CCPG1: variants seen among roughly 807,000 people sequenced by gnomAD.
CCPG1 encodes the protein cell cycle progression 1.
In CCPG1, 46 loss-of-function variants were observed where a neutral mutation model predicts 81.3. The ratio of observed to expected loss-of-function variants is 0.57; its 90% CI spans 0.45 to 0.72. CCPG1 has a LOEUF of 0.72. Among genes scored for constraint, CCPG1 ranks in the 30% least tolerant of loss-of-function variants. The pLI is 0.00. For synonymous variants in CCPG1, 330 were observed against 305.2 expected (o/e 1.08, Z -0.85); for missense variants, 902 against 937.6 (o/e 0.96, Z 0.50).
chr15:55,358,755 C>T, intron 8 of CCPG1: 1 of 985,312 alleles, frequency 1.0e-6, no homozygotes, highest in Non-Finnish European at 1.2e-6. Context: ...AAATTTTTCA[C>T]TTGTCTCCTC....
chr15:55,357,315 A>G (rs2141236752), intron 8 of CCPG1: 2 of 984,756 alleles, frequency 2.0e-6, no homozygotes, highest in South Asian at 4.7e-5. Flanking sequence ...CAATGTTACT[A>G]TTTTCCAAAT....
chr15:55,366,768 G>A (rs1378844678), intron 6 of CCPG1, among the ~76,000 whole-genome samples: 2 of 152,012 alleles, frequency 1.3e-5, no homozygotes, highest in Non-Finnish European at 2.9e-5. Context: ...GCGAAACTCC[G>A]TCTCAAAAAA....
Position 55,378,302 on chromosome 15 carries a change from C to G in CCPG1, c.250G>C (p.Glu84Gln), listed in dbSNP as rs763646375. 5 of 1,596,792 alleles carry G rather than the reference C, an allele frequency of 3.1e-6. No homozygotes were observed. The South Asian group carries it at 4.4e-5, about 14-fold the overall frequency. Reference sequence around the variant, plus strand: ...CACAGTGTAAAATACAAGTTTACCTCAATTGTTGAGCTGGTTTCCTCCAAA... The same window carrying G: ...CACAGTGTAAAATACAAGTTTACCTGAATTGTTGAGCTGGTTTCCTCCAAA... Reference protein sequence around the residue: ...PALEETSSTIEAEEQKIPEDS... With the variant: ...PALEETSSTIQAEEQKIPEDS... Residue 84 changes from glutamate (E) to glutamine (Q), a missense_variant and splice_region_variant, in exon 4 of 9, where the codon GAG becomes CAG. This residue lies in a region of CCPG1 where 746 missense variants were observed against 728.6 expected (regional missense o/e 1.02). Transcript: ENST00000442196.
intron 7 of CCPG1, among the ~76,000 whole-genome samples, chr15:55,362,988 C>T (rs2056235563): frequency 6.6e-6 from 1 of 152,142 alleles, no homozygotes; most frequent in South Asian, 2.1e-4. Context: ...AGCAGTGAGC[C>T]ATGATCACAC....
intron 3 of CCPG1, among the ~76,000 whole-genome samples, chr15:55,380,060 A>G (rs1167034120): frequency 6.6e-6 from 1 of 150,888 alleles, no homozygotes; most frequent in Non-Finnish European, 1.5e-5. Context: ...AGATCATGCC[A>G]TTGCACTACA....
At chr15:55,381,942 G>C (rs2056706348) in intron 3 of CCPG1, among the ~76,000 whole-genome samples, 1 of 152,206 alleles carries the variant, frequency 6.6e-6, no homozygotes, top group Non-Finnish European at 1.5e-5. Context: ...CCATGTAAAA[G>C]TTAGGTTTAC....
intron 6 of CCPG1, among the ~76,000 whole-genome samples, chr15:55,368,849 C>T (rs759462882): frequency 1.5e-4 from 23 of 152,198 alleles, no homozygotes; most frequent in African/African-American, 5.1e-4. Context: ...CGGTGGCTCA[C>T]GCCTATAATC....
intron 1 of CCPG1, among the ~76,000 whole-genome samples, chr15:55,391,504 A>T (rs1446559238): frequency 6.6e-6 from 1 of 152,138 alleles, no homozygotes; most frequent in African/African-American, 2.4e-5. Flanking sequence ...GTCTATTTGT[A>T]TGAGAATCAT....
intron 7 of CCPG1, among the ~76,000 whole-genome samples, chr15:55,361,815 T>C (rs916250253): frequency 6.6e-6 from 1 of 152,200 alleles, no homozygotes; most frequent in Non-Finnish European, 1.5e-5. Context: ...TCTAACAATC[T>C]TAGTCCTATT....
rs146089306 is a variant in CCPG1, at chr15:55,364,817, A to C, written c.828+371T>G. Among the ~76,000 whole-genome samples the C allele has an allele frequency of 1.2e-4, 16 of 137,776 alleles. 1 individual carries two copies. The highest frequency in any genetic ancestry group is 2.2e-4 in the Non-Finnish European group (13 of 60,256). 90.4% of individuals were successfully genotyped at this position (137,776 alleles called of 152,430 possible). A position where few individuals can be genotyped will look rare whatever the true frequency, so the allele number is the denominator to read the frequency against. ...GAACCCAGGAGGTGGAAGTTGCAGC[A>C]ACCTGAGGTTGCACCACTGCACTCC... On this transcript the variant is annotated intron_variant, in intron 7 of 8. Coordinates refer to ENST00000442196, the MANE Select transcript of CCPG1 (RefSeq NM_001204450.2).
At chr15:55,403,761 A>C (rs1472112117) in intron 1 of CCPG1, among the ~76,000 whole-genome samples, 1 of 152,222 alleles carries the variant, frequency 6.6e-6, no homozygotes. Flanking sequence ...ACAATACTGC[A>C]ACTTCCTCAT....
intron 5 of CCPG1, among the ~76,000 whole-genome samples, chr15:55,375,055 A>G (rs529274183): frequency 4.6e-5 from 7 of 152,326 alleles, no homozygotes; most frequent in Non-Finnish European, 8.8e-5. Flanking sequence ...TATTGAAACA[A>G]TATCTTTAGG....
Position 55,374,081 on chromosome 15 carries a change from AAGC to A in CCPG1, c.455-2040_455-2038del, listed in dbSNP as rs2056508330. 17 of 840,456 alleles carry A rather than the reference AAGC, an allele frequency of 2.0e-5. No homozygotes were observed. In the South Asian group the frequency reaches 2.4e-4, roughly 12 times the overall value. The allele number at this position is 840,456 out of a possible 1,614,324, so 52.1% of individuals were successfully genotyped here. A position where few individuals can be genotyped will look rare whatever the true frequency, so the allele number is the denominator to read the frequency against. The stretch of plus-strand genomic sequence containing the variant: ...TTGCGGATGACAACAGGTATCTTTA[AAGC>A]ACTCGGTAAATAGTAAATGTGACTA... On this transcript the variant is annotated intron_variant, in intron 5 of 8. Transcript: ENST00000442196.
intron 1 of CCPG1, among the ~76,000 whole-genome samples, chr15:55,399,228 A>G (rs1371802449): frequency 6.6e-6 from 1 of 152,092 alleles, no homozygotes; most frequent in Non-Finnish European, 1.5e-5. Context: ...GAAGTCCTGA[A>G]AACAGTTCTG....
At chr15:55,385,494 C>T (rs1221528755) in intron 3 of CCPG1, 106 bp downstream of exon 3, 13 of 582,900 alleles carry the variant, frequency 2.2e-5, no homozygotes, top group Non-Finnish European at 3.6e-5. Flanking sequence ...CCTCCAACGA[C>T]CCCTTAGATT....
Position 55,356,194 on chromosome 15 carries a change from G to A in CCPG1, c.*26C>T, listed in dbSNP as rs2056074555. The A allele has an allele frequency of 6.7e-7, 1 of 1,491,582 alleles. No homozygotes were observed. The highest frequency in any genetic ancestry group is 2.3e-5 in the Admixed American group (1 of 42,696). The allele number at this position is 1,491,582 out of a possible 1,614,324, so 92.4% of individuals were successfully genotyped here. A position where few individuals can be genotyped will look rare whatever the true frequency, so the allele number is the denominator to read the frequency against. ...ACAAAGCATAAATTTTTCTCTTACA[G>A]TTGTCTAATTTAACTCAATTGTGAA... On this transcript the variant is annotated 3_prime_UTR_variant, in exon 9 of 9. Transcript: ENST00000442196.
intron 7 of CCPG1, among the ~76,000 whole-genome samples, chr15:55,362,367 G>C (rs1237874322): frequency 1.3e-5 from 2 of 150,298 alleles, no homozygotes; most frequent in Admixed American, 6.6e-5. Context: ...TCCTTTAAGA[G>C]AATGACACTA....
chr15:55,376,786 G>A (rs942350536), intron 5 of CCPG1, among the ~76,000 whole-genome samples, 163 bp downstream of exon 5: 5 of 152,156 alleles, frequency 3.3e-5, no homozygotes, highest in African/African-American at 9.7e-5. Flanking sequence ...ACAGTCTAGC[G>A]AAACACTAGG....
intron 4 of CCPG1, among the ~76,000 whole-genome samples, chr15:55,377,361 G>A (rs551834): frequency 0.017 from 2,655 of 152,272 alleles, 70 homozygotes; most frequent in African/African-American, 0.061. Flanking sequence ...AATTAGATCA[G>A]ACCACTGCAT....
Sources: gnomAD v4.1 joint callset for allele counts (sites outside exome capture counted in the v4.1 genomes callset) on GRCh38, gnomAD v4.1.1 for gene constraint, gnomAD v4.1.1 regional missense constraint, MANE v1.5 for transcripts, NCBI Gene and HGNC (gene_info 2026-07-23, HGNC 2026-07-21) for gene names.